Variants in NUDCD1 observed in about 807,000 individuals in gnomAD.
NUDCD1 encodes NudC domain containing 1, also known as nudC domain-containing protein 1.
NUDCD1 carries 60 observed loss-of-function variants against 67.8 expected under a neutral mutation model. That is an observed-to-expected ratio of 0.88 (90% confidence interval 0.72 to 1.10). NUDCD1 has a LOEUF of 1.10. Ranked by LOEUF, NUDCD1 falls within the 50% of genes least tolerant of loss-of-function variation. The pLI, the probability that NUDCD1 is intolerant of heterozygous loss-of-function variation, is 0.00. For synonymous variants in NUDCD1, 244 were observed against 230.8 expected, an observed-to-expected ratio of 1.06 and a Z score of -0.52; for missense variants, 643 against 695.0, an observed-to-expected ratio of 0.93 and a Z score of 0.84.
intron 7 of NUDCD1, among the ~76,000 whole-genome samples, chr8:109,271,457 C>A (rs1225773273): frequency 6.6e-6 from 1 of 152,112 alleles, no homozygotes; most frequent in Non-Finnish European, 1.5e-5. Context: ...ACAGATGTGA[C>A]AGACAGCTGA....
At chr8:109,245,295 G>A (rs1257950462) in intron 9 of NUDCD1, 27 bp downstream of exon 9, 24 of 1,581,216 alleles carry the variant, frequency 1.5e-5, no homozygotes, top group Non-Finnish European at 2.1e-5. Context: ...TGATTTCATG[G>A]AAAATGTCAA....
intron 1 of NUDCD1, among the ~76,000 whole-genome samples, chr8:109,327,272 T>C (rs1815699755): frequency 6.6e-6 from 1 of 152,228 alleles, no homozygotes. Flanking sequence ...TATGCAATAC[T>C]TCTCTGACCT....
intron 9 of NUDCD1, among the ~76,000 whole-genome samples, chr8:109,244,495 A>C (rs1813449811): frequency 6.6e-6 from 1 of 152,150 alleles, no homozygotes; most frequent in Non-Finnish European, 1.5e-5. Context: ...CAAACTTTGT[A>C]CTTCAGGTCA....
chr8:109,303,158 G>T (rs556770286), intron 2 of NUDCD1, among the ~76,000 whole-genome samples: 1 of 152,280 alleles, frequency 6.6e-6, no homozygotes, highest in East Asian at 1.9e-4. Context: ...TCCCATCTGT[G>T]TGGGACCCCA....
At chr8:109,321,499 C>T (rs1435193041) in intron 2 of NUDCD1, among the ~76,000 whole-genome samples, 6 of 151,498 alleles carry the variant, frequency 4.0e-5, no homozygotes, top group Admixed American at 6.6e-5. Context: ...GAAATTAAAT[C>T]GAGTTCTAAG....
intron 5 of NUDCD1, among the ~76,000 whole-genome samples, chr8:109,286,703 T>C (rs1197586773): frequency 6.6e-6 from 1 of 152,086 alleles, no homozygotes; most frequent in Non-Finnish European, 1.5e-5. Flanking sequence ...GAAACACCAT[T>C]GTGGACACTG....
intron 1 of NUDCD1, among the ~76,000 whole-genome samples, chr8:109,333,389 G>A (rs1036397282): frequency 1.3e-5 from 2 of 152,192 alleles, no homozygotes; most frequent in African/African-American, 4.8e-5. Context: ...CTCTACCAGA[G>A]TTCTTAATGT....
At chr8:109,304,633 G>T (rs1056231519) in intron 2 of NUDCD1, among the ~76,000 whole-genome samples, 1 of 152,142 alleles carries the variant, frequency 6.6e-6, no homozygotes, top group Non-Finnish European at 1.5e-5. Context: ...CTGAAAGAGG[G>T]TTCCTCTCTA....
At chr8:109,303,962 C>G (rs1485873124) in intron 2 of NUDCD1, among the ~76,000 whole-genome samples, 2 of 152,036 alleles carry the variant, frequency 1.3e-5, no homozygotes, top group Admixed American at 6.6e-5. Flanking sequence ...TTATCAACCA[C>G]CCCATGGTGC....
chr8:109,275,287 G>T, intron 7 of NUDCD1, 65 bp downstream of exon 7: 2 of 1,452,174 alleles, frequency 1.4e-6, no homozygotes, highest in South Asian at 1.3e-5. Flanking sequence ...GAAAAGCATG[G>T]CATAATCTTC....
At chr8:109,290,807 G>A (rs964257290) in intron 4 of NUDCD1, among the ~76,000 whole-genome samples, 21 of 152,002 alleles carry the variant, frequency 1.4e-4, no homozygotes, top group African/African-American at 4.6e-4. Context: ...CTGAGTAGTC[G>A]AAAATCACAA....
intron 5 of NUDCD1, among the ~76,000 whole-genome samples, chr8:109,281,639 T>A (rs940468933): frequency 1.3e-5 from 2 of 152,328 alleles, no homozygotes; most frequent in Non-Finnish European, 2.9e-5. Context: ...CAAAATCACA[T>A]GCACTTTTAG....
intron 6 of NUDCD1, 45 bp downstream of exon 6, chr8:109,280,923 G>C (rs923897700): frequency 3.2e-6 from 3 of 950,816 alleles, no homozygotes; most frequent in Admixed American, 2.7e-5. Flanking sequence ...AAAAAGAAAA[G>C]AAAAAAAGAT....
At chr8:109,313,977 A>T (rs1351989089) in intron 2 of NUDCD1, 1 of 371,968 alleles carries the variant, frequency 2.7e-6, no homozygotes, top group East Asian at 7.5e-5. Context: ...AAGTGAAAGC[A>T]AACTAAATGT....
chr8:109,284,047 C>T (rs2129995810), intron 5 of NUDCD1, among the ~76,000 whole-genome samples: 1 of 150,834 alleles, frequency 6.6e-6, no homozygotes, highest in Admixed American at 6.6e-5. Context: ...TACAAGAGAC[C>T]CATCTAACAC....
intron 5 of NUDCD1, among the ~76,000 whole-genome samples, chr8:109,287,082 G>A (rs77279558): frequency 0.021 from 3,153 of 152,022 alleles, 104 homozygotes; most frequent in African/African-American, 0.071. Flanking sequence ...AAACTACAAG[G>A]AGAATATCAT....
intron 8 of NUDCD1, among the ~76,000 whole-genome samples, chr8:109,255,820 T>C: frequency 6.6e-6 from 1 of 152,122 alleles, no homozygotes; most frequent in Non-Finnish European, 1.5e-5. Context: ...AGGTAGAACA[T>C]TTCAGGCAGA....
At chr8:109,313,673 G>C in intron 2 of NUDCD1, 1 of 383,258 alleles carries the variant, frequency 2.6e-6, no homozygotes, top group Non-Finnish European at 5.1e-6. Flanking sequence ...TCTACTACAT[G>C]GCCCCACACT....
At chr8:109,252,435 C>T (rs1813642803) in intron 8 of NUDCD1, among the ~76,000 whole-genome samples, 1 of 151,848 alleles carries the variant, frequency 6.6e-6, no homozygotes, top group South Asian at 2.1e-4. Context: ...CCCTCAGCAG[C>T]TTAGGCTGCT....
Sources: allele counts gnomAD v4.1 joint callset (sites outside exome capture counted in the v4.1 genomes callset), GRCh38; gene constraint gnomAD v4.1.1; transcripts MANE v1.5; gene names NCBI Gene and HGNC (gene_info 2026-07-23, HGNC 2026-07-21).